SEMA5A: variants seen among roughly 807,000 people sequenced by gnomAD.
The protein encoded by SEMA5A is semaphorin 5A.
A neutral mutation model predicts 135.5 loss-of-function variants in SEMA5A; 55 were observed. That is an observed-to-expected ratio of 0.41 (90% CI 0.33 to 0.51). The LOEUF (loss-of-function observed/expected upper bound fraction) is 0.51. SEMA5A is among the 20% of genes least tolerant of loss of function. The pLI, the probability that SEMA5A is intolerant of heterozygous loss-of-function variation, is 0.37. For synonymous variants in SEMA5A, 580 were observed against 546.5 expected (o/e 1.06, Z -0.85); for missense variants, 1,290 against 1,419.9 (o/e 0.91, Z 1.47).
At chr5:9,198,273 C>A (rs1745524389) in intron 9 of SEMA5A, among the ~76,000 whole-genome samples, 1 of 152,180 alleles carries the variant, frequency 6.6e-6, no homozygotes, top group African/African-American at 2.4e-5. Context: ...GAACTAGGCT[C>A]TATTCCAAGG....
chr5:9,169,463 C>A (rs1390512941), intron 11 of SEMA5A, among the ~76,000 whole-genome samples: 5 of 152,140 alleles, frequency 3.3e-5, no homozygotes, highest in Non-Finnish European at 7.3e-5. Flanking sequence ...ATGATAGCCA[C>A]GGCATGTAAA....
At chr5:9,276,050 A>G (rs1579769102) in intron 5 of SEMA5A, among the ~76,000 whole-genome samples, 1 of 152,254 alleles carries the variant, frequency 6.6e-6, no homozygotes, top group East Asian at 1.9e-4. Flanking sequence ...ATGATTGCAT[A>G]TTTAGAAAAT....
intron 6 of SEMA5A, among the ~76,000 whole-genome samples, chr5:9,235,251 T>C (rs1005943828): frequency 2.0e-5 from 3 of 152,278 alleles, no homozygotes; most frequent in Non-Finnish European, 1.5e-5. Flanking sequence ...GTAACAAATA[T>C]ATACATGTAA....
chr5:9,485,438 T>A (rs1734646917), intron 1 of SEMA5A, among the ~76,000 whole-genome samples: 1 of 152,178 alleles, frequency 6.6e-6, no homozygotes. Flanking sequence ...TGGAAAATGT[T>A]GTAGTATGTC....
intron 4 of SEMA5A, among the ~76,000 whole-genome samples, chr5:9,324,519 A>T (rs1752782816): frequency 6.6e-6 from 1 of 152,194 alleles, no homozygotes; most frequent in South Asian, 2.1e-4. Flanking sequence ...ATACAACTCC[A>T]AATGCATTTT....
intron 13 of SEMA5A, among the ~76,000 whole-genome samples, chr5:9,125,280 T>A (rs1449998898): frequency 6.6e-6 from 1 of 152,212 alleles, no homozygotes; most frequent in Non-Finnish European, 1.5e-5. Flanking sequence ...TAAGAAACTG[T>A]GGCAAAACGG....
chr5:9,370,537 G>A (rs1755094464), intron 3 of SEMA5A, among the ~76,000 whole-genome samples: 1 of 152,174 alleles, frequency 6.6e-6, no homozygotes, highest in South Asian at 2.1e-4. Context: ...GGAATTGGGA[G>A]AGCAAAAGAG....
chr5:9,228,205 A>G (rs1208057368), intron 6 of SEMA5A, among the ~76,000 whole-genome samples: 6 of 152,222 alleles, frequency 3.9e-5, no homozygotes, highest in South Asian at 2.1e-4. Flanking sequence ...CATATTACGT[A>G]GCTCCAAAGG....
intron 13 of SEMA5A, among the ~76,000 whole-genome samples, chr5:9,135,517 T>C (rs1579457231): frequency 6.6e-6 from 1 of 151,998 alleles, no homozygotes. Context: ...ACAGGCTTTA[T>C]GAATATGTGG....
At chr5:9,152,930 G>A (rs1034665714) in intron 12 of SEMA5A, among the ~76,000 whole-genome samples, 1 of 152,060 alleles carries the variant, frequency 6.6e-6, no homozygotes, top group Non-Finnish European at 1.5e-5. Context: ...AAATTAGCTG[G>A]GCATGCTGGC....
intron 5 of SEMA5A, among the ~76,000 whole-genome samples, chr5:9,300,192 T>G (rs1751546965): frequency 6.6e-6 from 1 of 152,210 alleles, no homozygotes; most frequent in East Asian, 1.9e-4. Flanking sequence ...CACACCTGAC[T>G]AATTTTTGTA....
chr5:9,280,163 T>C (rs916235120), intron 5 of SEMA5A, among the ~76,000 whole-genome samples: 11 of 152,114 alleles, frequency 7.2e-5, no homozygotes, highest in African/African-American at 2.4e-4. Flanking sequence ...TACCAGGGCT[T>C]TGTACACTGA....
intron 1 of SEMA5A, among the ~76,000 whole-genome samples, chr5:9,504,223 A>AAAC: frequency 9.9e-6 from 1 of 100,822 alleles, no homozygotes; most frequent in Admixed American, 1.4e-4. Flanking sequence ...AAAAAAAAAA[A>AAAC]GAAAAAAAAA....
chr5:9,544,066 T>C (rs977147601), intron 1 of SEMA5A, among the ~76,000 whole-genome samples: 1 of 152,136 alleles, frequency 6.6e-6, no homozygotes, highest in African/African-American at 2.4e-5. Context: ...CCTAATTAGG[T>C]ATTGAAAAAT....
chr5:9,464,311 A>G (rs1759173374), intron 1 of SEMA5A, among the ~76,000 whole-genome samples: 1 of 152,176 alleles, frequency 6.6e-6, no homozygotes, highest in Admixed American at 6.5e-5. Flanking sequence ...TACAGGAAAA[A>G]AACAGGAGCC....
At chr5:9,175,914 A>G (rs1284759023) in intron 11 of SEMA5A, among the ~76,000 whole-genome samples, 1 of 152,210 alleles carries the variant, frequency 6.6e-6, no homozygotes, top group Non-Finnish European at 1.5e-5. Flanking sequence ...GAGGGCATCT[A>G]ATAGACCTCC....
rs188138687 is a variant in SEMA5A, at chr5:9,469,832, G to A, written c.-174-31980C>T. Among the ~76,000 whole-genome samples the A allele has an allele frequency of 5.5e-4, 84 of 152,260 alleles. 1 individual carries two copies. The highest frequency in any genetic ancestry group is 3.1e-4 in the Non-Finnish European group (21 of 68,020). On this transcript the variant is annotated intron_variant, in intron 1 of 22. Coordinates refer to ENST00000382496, the MANE Select transcript of SEMA5A (RefSeq NM_003966.3). ...TTAAAAGCATTTTGTAAGAACCTTG[G>A]GTATTTGGAGTACTTTTACTTAAAT...
intron 5 of SEMA5A, among the ~76,000 whole-genome samples, chr5:9,315,525 T>C (rs1752352443): frequency 6.6e-6 from 1 of 152,196 alleles, no homozygotes; most frequent in Admixed American, 6.6e-5. Flanking sequence ...AAGTATTGCA[T>C]TTGATCCCCA....
At chr5:9,197,755 T>C (rs914875294) in intron 9 of SEMA5A, among the ~76,000 whole-genome samples, 3 of 142,128 alleles carry the variant, frequency 2.1e-5, no homozygotes, top group Non-Finnish European at 4.5e-5. Flanking sequence ...TGTGTGTGTG[T>C]GTGTGTGTGT....
Sources: allele counts gnomAD v4.1 joint callset (sites outside exome capture counted in the v4.1 genomes callset), GRCh38; gene constraint gnomAD v4.1.1; transcripts MANE v1.5; gene names NCBI Gene and HGNC (gene_info 2026-07-23, HGNC 2026-07-21).